Variants in APP observed in about 807,000 individuals in gnomAD.
APP encodes amyloid beta precursor protein.
APP carries 31 observed loss-of-function variants against 101.4 expected under a neutral mutation model. The observed-to-expected ratio is 0.31, with a 90% confidence interval of 0.23 to 0.41. The LOEUF (loss-of-function observed/expected upper bound fraction) is 0.41, where lower values mean the gene tolerates loss of function less well. Among genes scored for constraint, APP ranks in the 10% least tolerant of loss-of-function variants. APP has a pLI of 1.00. For synonymous variants in APP, 366 were observed against 364.4 expected, an observed-to-expected ratio of 1.00 and a Z score of -0.05; for missense variants, 839 against 1,003.7, an observed-to-expected ratio of 0.84 and a Z score of 2.22.
chr21:26,060,549 A>G (rs1185080674), intron 3 of APP, among the ~76,000 whole-genome samples: 1 of 152,266 alleles, frequency 6.6e-6, no homozygotes, highest in African/African-American at 2.4e-5. Flanking sequence ...CGGGGAAGCG[A>G]TAAAAAATAC....
intron 1 of APP, among the ~76,000 whole-genome samples, chr21:26,138,970 G>C (rs1049706058): frequency 6.6e-6 from 1 of 152,102 alleles, no homozygotes; most frequent in African/African-American, 2.4e-5. Context: ...GTTTTATGTA[G>C]ACTGGCGGGG....
At chr21:25,999,968 G>A (rs1241658161) in intron 7 of APP, 47 bp downstream of exon 7, 19 of 1,600,994 alleles carry the variant, frequency 1.2e-5, no homozygotes, top group South Asian at 2.2e-5. Flanking sequence ...CAGAGTCAGT[G>A]GCGAGAGAGA....
At chr21:25,933,344 T>C (rs975243298) in intron 13 of APP, among the ~76,000 whole-genome samples, 2 of 152,192 alleles carry the variant, frequency 1.3e-5, no homozygotes, top group Non-Finnish European at 2.9e-5. Flanking sequence ...GTCAAGTGAT[T>C]TTCCCACCTC....
chr21:26,131,544 A>G (rs1438739211), intron 1 of APP, among the ~76,000 whole-genome samples: 2 of 152,222 alleles, frequency 1.3e-5, no homozygotes, highest in Non-Finnish European at 2.9e-5. Context: ...GCATGCTTAA[A>G]TAAGGGAAAT....
At chr21:25,948,350 T>G (rs566397909) in intron 13 of APP, among the ~76,000 whole-genome samples, 16 of 152,164 alleles carry the variant, frequency 1.1e-4, no homozygotes, top group Non-Finnish European at 2.2e-4. Context: ...ATGGAAACAC[T>G]GTCTTTGAAA....
At chr21:26,073,271 C>T (rs925871940) in intron 3 of APP, among the ~76,000 whole-genome samples, 1 of 151,700 alleles carries the variant, frequency 6.6e-6, no homozygotes, top group Non-Finnish European at 1.5e-5. Context: ...AAAGGTGGCG[C>T]GGGGAGGACG....
chr21:26,007,779 C>T (rs2043601972), intron 6 of APP, among the ~76,000 whole-genome samples: 2 of 152,026 alleles, frequency 1.3e-5, no homozygotes, highest in Admixed American at 1.3e-4. Flanking sequence ...ATTCTGGAAC[C>T]ATGTACTTTT....
intron 17 of APP, among the ~76,000 whole-genome samples, chr21:25,886,112 G>A (rs2037306807): frequency 6.6e-6 from 1 of 152,044 alleles, no homozygotes; most frequent in Non-Finnish European, 1.5e-5. Flanking sequence ...AGGAGGGTAA[G>A]GGAACTAAGG....
At chr21:26,104,283 C>T (rs998927806) in intron 2 of APP, among the ~76,000 whole-genome samples, 2 of 151,820 alleles carry the variant, frequency 1.3e-5, no homozygotes, top group African/African-American at 4.8e-5. Flanking sequence ...AAACATTCAT[C>T]CCATAACAGT....
At chr21:26,142,844 T>C (rs2063078186) in intron 1 of APP, among the ~76,000 whole-genome samples, 1 of 152,106 alleles carries the variant, frequency 6.6e-6, no homozygotes, top group Admixed American at 6.5e-5. Context: ...TTAATAAAAA[T>C]AGGTACTACC....
At chr21:25,981,387 T>G (rs945178991) in intron 9 of APP, among the ~76,000 whole-genome samples, 3 of 152,238 alleles carry the variant, frequency 2.0e-5, no homozygotes, top group African/African-American at 7.2e-5. Flanking sequence ...TACTTTAACC[T>G]GAGATCTTTA....
chr21:26,057,466 TCA>T (rs200046736), intron 3 of APP, among the ~76,000 whole-genome samples: 4 of 131,632 alleles, frequency 3.0e-5, no homozygotes, highest in East Asian at 2.3e-4. Flanking sequence ...AAAACGCATG[TCA>T]CACACCACAC....
rs370140503 is a variant in APP at position 25,909,405 on chromosome 21, C to A, written c.1909+2336G>T. On this transcript the variant is annotated intron_variant, in intron 14 of 17. Coordinates refer to ENST00000346798, the MANE Select transcript of APP (RefSeq NM_000484.4). Reference sequence around the variant, plus strand: ...TCTGACACTGCAAGTTCTATTGCCTCCCAAAATTGTTATACCAGATTCTAC... The same window carrying A: ...TCTGACACTGCAAGTTCTATTGCCTACCAAAATTGTTATACCAGATTCTAC... Among the ~76,000 whole-genome samples the A allele has an allele frequency of 8.0e-4, 122 of 152,206 alleles. No homozygotes were observed. The South Asian group carries it at 0.018, about 23-fold the overall frequency.
At chr21:25,914,549 CTTTTTTT>C (rs10647133) in intron 13 of APP, among the ~76,000 whole-genome samples, 1 of 114,810 alleles carries the variant, frequency 8.7e-6, no homozygotes, top group Admixed American at 9.3e-5. Flanking sequence ...CACAAGGCGC[CTTTTTTT>C]TTTTTTTTTT....
rs765657163 is a variant in APP, at chr21:25,881,776, AAAAC to A, written c.2212-9_2212-6del. ...TGGGGTGACAGCGGCGTCAACCTGA[AAAAC>A]AAGAGGAGAGCTGAGTAAAAAATAA... On this transcript the variant is annotated splice_region_variant and splice_polypyrimidine_tract_variant and intron_variant, in intron 17 of 17. Transcript: ENST00000346798. The A allele has an allele frequency of 7.3e-5, 118 of 1,613,084 alleles. No individual in the cohort carries two copies. The highest frequency in any genetic ancestry group is 1.2e-4 in the South Asian group (11 of 91,058).
At chr21:26,107,392 TTGAA>T (rs1291021722) in intron 2 of APP, among the ~76,000 whole-genome samples, 1 of 152,190 alleles carries the variant, frequency 6.6e-6, no homozygotes, top group Non-Finnish European at 1.5e-5. Flanking sequence ...CATTAATGAA[TTGAA>T]TAAAATATTT....
intron 1 of APP, among the ~76,000 whole-genome samples, chr21:26,119,437 T>C (rs1302920926): frequency 6.6e-6 from 1 of 152,222 alleles, no homozygotes; most frequent in Non-Finnish European, 1.5e-5. Context: ...AAATCTCTCC[T>C]GAAATGCAAA....
intron 5 of APP, among the ~76,000 whole-genome samples, chr21:26,034,706 T>C (rs1308136001): frequency 6.7e-6 from 1 of 150,118 alleles, no homozygotes; most frequent in East Asian, 2.0e-4. Context: ...TTAGATTTGA[T>C]AAATCTATTA....
At chr21:26,157,330 G>A (rs537074014) in intron 1 of APP, among the ~76,000 whole-genome samples, 4 of 152,196 alleles carry the variant, frequency 2.6e-5, no homozygotes, top group Admixed American at 2.0e-4. Flanking sequence ...TCAGTCTCCC[G>A]AAGTGCTGGG....
Sources: gnomAD v4.1 joint callset for allele counts (sites outside exome capture counted in the v4.1 genomes callset) on GRCh38, gnomAD v4.1.1 for gene constraint, MANE v1.5 for transcripts, NCBI Gene and HGNC (gene_info 2026-07-23, HGNC 2026-07-21) for gene names.